PPM1N: variants seen among roughly 807,000 people sequenced by gnomAD.
The protein encoded by PPM1N is protein phosphatase, Mg2+/Mn2+ dependent 1N (putative), also known as probable protein phosphatase 1N.
A neutral mutation model predicts 32.6 loss-of-function variants in PPM1N; 35 were observed. That is an observed-to-expected ratio of 1.07 (90% CI 0.82 to 1.43). The LOEUF is 1.43. PPM1N is among the 40% of genes most tolerant of loss of function. The pLI, the probability that PPM1N is intolerant of heterozygous loss-of-function variation, is 0.00. For missense variants in PPM1N, 648 were observed against 606.6 expected, an observed-to-expected ratio of 1.07 and a Z score of -0.72; for synonymous variants, 275 against 270.5, an observed-to-expected ratio of 1.02 and a Z score of -0.16.
rs1263787523 is a variant in PPM1N at position 45,498,974 on chromosome 19, T to C, written c.502T>C (p.Leu168=). 1 of 1,561,994 alleles carries C rather than the reference T, an allele frequency of 6.4e-7. No individual in the cohort carries two copies. Among genetic ancestry groups the C allele is most frequent in the African/African-American group, 1.4e-5 (1 of 72,740 alleles). ...AACGGGCGGCTGCACGGCCGTGGTG[T>C]TGCTGGTCTCCCCGCGGTTTCTGTA... ...VETGGCTAVV[L]LVSPRFLYLA... The change falls in exon 1 of 5, where the codon TTG becomes CTG. Residue 168 remains leucine (L), a synonymous_variant. Transcript: ENST00000451287.
At position 45,499,263 on chromosome 19, in the gene PPM1N, C is replaced by A; in HGVS notation, c.791C>A (p.Ala264Asp). Residue 264 changes from alanine (A) to aspartate (D), a missense_variant, in exon 1 of 5, where the codon GCT becomes GAT. Physicochemically the swap from Ala to Asp is moderately radical, Grantham distance 126. Transcript: ENST00000451287. ...GAGGTGGCCGCACTGGCACGCCAGG[C>A]TGAGGACGAGTTCATGCTCCTGGCC... ...EPEVAALARQ[A>D]EDEFMLLASD... The A allele has an allele frequency of 6.2e-7, 1 of 1,610,462 alleles. No homozygotes were observed. The highest frequency in any genetic ancestry group is 8.5e-7 in the Non-Finnish European group (1 of 1,179,026).
chr19:45,500,535 A>G lies in PPM1N; in HGVS notation c.1137A>G (p.Leu379=). ...TGGCCTCAGAGGACATCCCAGATTT[A>G]CCTCCTGGGGGAGGGCTGGACTGCA... The part of the protein sequence containing the change: ...RTLASEDIPD[L]PPGGGLDCKA... The change falls in exon 3 of 5, where the codon TTA becomes TTG. Residue 379 remains leucine, a synonymous_variant. Transcript: ENST00000451287. 1 of 1,595,860 alleles carries G rather than the reference A, an allele frequency of 6.3e-7. No homozygotes were observed.
intron 2 of PPM1N, 47 bp from the exon 3 acceptor site, chr19:45,500,409 A>T: frequency 1.3e-6 from 2 of 1,513,974 alleles, no homozygotes; most frequent in South Asian, 2.4e-5. Flanking sequence ...TGCTGGGATT[A>T]CAGGCGTGCG....
In PPM1N at chr19:45,498,859, G is replaced by A. The variant is rs1968354708; in HGVS notation, c.387G>A (p.Glu129=). 2 of 1,525,212 alleles carry A rather than the reference G, an allele frequency of 1.3e-6. No individual in the cohort carries two copies. The highest frequency in any genetic ancestry group is 2.5e-5 in the East Asian group (1 of 39,640). The allele number at this position is 1,525,212 out of a possible 1,614,324, so 94.5% of individuals were successfully genotyped here. The change falls in exon 1 of 5, where the codon GAG becomes GAA. Residue 129 remains glutamate (E), a synonymous_variant. Transcript: ENST00000451287. ...PGHVLQELGP[E]PSEPEGVREA... is the part of the protein sequence containing the mutation. ...ATGTGCTCCAGGAGCTGGGCCCGGA[G>A]CCTAGCGAGCCCGAGGGCGTGCGCG...
At chr19:45,501,799 C>G (rs1968417716) in intron 4 of PPM1N, among the ~76,000 whole-genome samples, 1 of 152,154 alleles carries the variant, frequency 6.6e-6, no homozygotes, top group Non-Finnish European at 1.5e-5. Context: ...CAGCAGTGGT[C>G]TTTGGGGGCT....
At chr19:45,499,513 G>A in intron 1 of PPM1N, 102 bp downstream of exon 1, 2 of 1,562,726 alleles carry the variant, frequency 1.3e-6, no homozygotes, top group Non-Finnish European at 8.7e-7. Context: ...CAAGAGTAAA[G>A]CTAGCAAAGG....
chr19:45,499,874 T>C, intron 1 of PPM1N, 75 bp from the exon 2 acceptor site: 1 of 1,529,938 alleles, frequency 6.5e-7, no homozygotes, highest in Non-Finnish European at 8.8e-7. Flanking sequence ...AGTGGGGGAC[T>C]TGAACCTGGG....
At position 45,500,478 on chromosome 19, in the gene PPM1N, GC is replaced by G. The variant is rs1168946256; in HGVS notation, c.1086del (p.Ser363AlafsTer2). 3.1e-6 allele frequency: 5 copies of G among 1,609,856 alleles called. No homozygotes were observed. The highest frequency in any genetic ancestry group is 1.3e-5 in the African/African-American group (1 of 74,794). On this transcript the variant is annotated frameshift_variant, in exon 3 of 5. Coordinates refer to ENST00000451287, the MANE Select transcript of PPM1N (RefSeq NM_001080401.2). LOFTEE classifies it high-confidence loss of function. Reference sequence around the variant, plus strand: ...CAGAACTGTGTGCCTCTGCTCAGAAGCCCCCCAGCCTGAACACAGTTTTCAG... The same window carrying G: ...CAGAACTGTGTGCCTCTGCTCAGAAGCCCCCAGCCTGAACACAGTTTTCAG... ...IAELCASAQKPPSLNTVFRTL... is the reference protein window; with the variant it reads ...IAELCASAQKXPSLNTVFRTL...
At position 45,500,659 on chromosome 19, in the gene PPM1N, C is replaced by T; in HGVS notation, c.1173C>T (p.Val391=). 1 of 1,603,104 alleles carries T rather than the reference C, an allele frequency of 6.2e-7. No individual in the cohort carries two copies. The highest frequency in any genetic ancestry group is 2.2e-5 in the East Asian group (1 of 44,624). ...PGGGLDCKAT[V]IAEVYSQICQ... ...TTCCTGTGCTCTCCAGGGCCACTGT[C>T]ATTGCTGAAGTTTATTCTCAGATCT... The change falls in exon 4 of 5, where the codon GTC becomes GTT. Residue 391 remains valine (V), a synonymous_variant. Transcript: ENST00000451287.
In PPM1N at chr19:45,499,936, C is replaced by T; in HGVS notation, c.940-13C>T. ...TCTCCCCCACCGGGCTCCTTTTTCT[C>T]CACCGGCTTCAGGGCAGCCTGGACA... is the stretch of plus-strand genomic sequence containing the variant. On this transcript the variant is annotated splice_polypyrimidine_tract_variant and intron_variant, in intron 1 of 4. Transcript: ENST00000451287. 2 of 1,561,968 alleles carry T rather than the reference C, an allele frequency of 1.3e-6. No individual in the cohort carries two copies. Among genetic ancestry groups the T allele is most frequent in the Non-Finnish European group, 8.7e-7 (1 of 1,152,426 alleles).
In PPM1N at chr19:45,498,677, G is replaced by T; in HGVS notation, c.205G>T (p.Ala69Ser). ...AEASGGLRFGASAAQGWRARM... is the reference protein window; with the variant it reads ...AEASGGLRFGSSAAQGWRARM... ...GGCGTCTGGGGGCCTGCGCTTCGGG[G>T]CGAGCGCAGCGCAAGGCTGGCGCGC... The change falls in exon 1 of 5, where the codon GCG becomes TCG. Residue 69 changes from alanine (A) to serine (S), a missense_variant. Ala to Ser is a moderately conservative substitution (Grantham distance 99). Coordinates refer to ENST00000451287, the MANE Select transcript of PPM1N (RefSeq NM_001080401.2). 1 of 1,448,496 alleles carries T rather than the reference G, an allele frequency of 6.9e-7. No homozygotes were observed. 89.7% of individuals were successfully genotyped at this position (1,448,496 alleles called of 1,614,324 possible).
chr19:45,498,920 C>A lies in PPM1N; in HGVS notation c.448C>A (p.Arg150Ser). 6.5e-7 allele frequency: 1 copy of A among 1,531,868 alleles called. No individual in the cohort carries two copies. The highest frequency in any genetic ancestry group is 8.7e-7 in the Non-Finnish European group (1 of 1,148,618). 94.9% of individuals were successfully genotyped at this position (1,531,868 alleles called of 1,614,324 possible). A position where few individuals can be genotyped will look rare whatever the true frequency, so the allele number is the denominator to read the frequency against. The change falls in exon 1 of 5, where the codon CGC becomes AGC. Residue 150 changes from arginine (R) to serine (S), a missense_variant. Arg to Ser is a moderately radical substitution (Grantham distance 110, BLOSUM62 -1). Transcript: ENST00000451287. ...LRRAFLSADE[R>S]LRSLWPRVET... ...CCGAGCCTTCTTGAGCGCCGACGAG[C>A]GCCTGCGCTCCCTCTGGCCCCGCGT...
intron 4 of PPM1N, 91 bp downstream of exon 4, chr19:45,500,801 G>C: frequency 1.0e-6 from 1 of 971,130 alleles, no homozygotes; most frequent in Non-Finnish European, 1.6e-6. Flanking sequence ...AGCCAGTGAG[G>C]ATAAGGGATT....
Position 45,500,526 on chromosome 19 carries a change from C to T in PPM1N, c.1128C>T (p.Ile376=), listed in dbSNP as rs1464349216. Residue 376 remains isoleucine (I), a synonymous_variant, in exon 3 of 5, where the codon ATC becomes ATT. Coordinates refer to ENST00000451287, the MANE Select transcript of PPM1N (RefSeq NM_001080401.2). ...TVFRTLASED[I]PDLPPGGGLD... Reference sequence around the variant, plus strand: ...TCAGGACTCTGGCCTCAGAGGACATCCCAGATTTACCTCCTGGGGGAGGGC... The same window carrying T: ...TCAGGACTCTGGCCTCAGAGGACATTCCAGATTTACCTCCTGGGGGAGGGC... 6.2e-7 allele frequency: 1 copy of T among 1,611,706 alleles called. No homozygotes were observed. Among genetic ancestry groups the T allele is most frequent in the Admixed American group, 1.7e-5 (1 of 59,710 alleles).
Position 45,502,334 on chromosome 19 carries a change from A to AAAAAAAAAAC in PPM1N, c.*249_*250insAAAAAAAAAC, listed in dbSNP as rs1968431518. 2.4e-6 allele frequency: 1 copy of AAAAAAAAAAC among 416,014 alleles called. No individual in the cohort carries two copies. The highest frequency in any genetic ancestry group is 3.5e-5 in the African/African-American group (1 of 28,926). The allele number at this position is 416,014 out of a possible 1,614,324, so 25.8% of individuals were successfully genotyped here. On this transcript the variant is annotated 3_prime_UTR_variant, in exon 5 of 5. Transcript: ENST00000451287. The stretch of plus-strand genomic sequence containing the variant: ...AAAAAAAAAAAAAAAAAAAAAAAAA[A>AAAAAAAAAAC]CAAAAAAACCCAACCAAATGTTTTT...
At position 45,499,307 on chromosome 19, in the gene PPM1N, A is replaced by G; in HGVS notation, c.835A>G (p.Thr279Ala). The change falls in exon 1 of 5, where the codon ACT becomes GCT. Residue 279 changes from threonine (T) to alanine (A), a missense_variant. Transcript: ENST00000451287. ...MLLASDGVWD[T>A]VSGAALAGLV... is the part of the protein sequence containing the mutation. Reference sequence around the variant, plus strand: ...CCTGGCCTCTGATGGCGTCTGGGACACTGTGTCTGGTGCTGCCCTGGCGGG... The same window carrying G: ...CCTGGCCTCTGATGGCGTCTGGGACGCTGTGTCTGGTGCTGCCCTGGCGGG... 1.1e-5 allele frequency: 17 copies of G among 1,613,144 alleles called. No individual in the cohort carries two copies. Among genetic ancestry groups the G allele is most frequent in the Non-Finnish European group, 1.4e-5 (17 of 1,179,842 alleles).
At chr19:45,500,775 G>A in intron 4 of PPM1N, 65 bp downstream of exon 4, 1 of 1,226,660 alleles carries the variant, frequency 8.2e-7, no homozygotes, top group Admixed American at 2.4e-5. Context: ...ACCCCTCTTA[G>A]TGACAGGGAA....
In PPM1N at chr19:45,499,691, G is replaced by A. The variant is rs566449361; in HGVS notation, c.940-258G>A. On this transcript the variant is annotated intron_variant, in intron 1 of 4. Coordinates refer to ENST00000451287, the MANE Select transcript of PPM1N (RefSeq NM_001080401.2). ...ATTCTGGGTCGTAGGAGCCGGGCCG[G>A]AAGTATTGATTAGTGCTGGAAGGTG... The A allele has an allele frequency of 1.8e-3, 2,837 of 1,547,930 alleles. 5 individuals are homozygous for A. Among genetic ancestry groups the A allele is most frequent in the Non-Finnish European group, 2.3e-3 (2,628 of 1,145,904 alleles).
chr19:45,500,698 A>C lies in PPM1N; in HGVS notation c.1212A>C (p.Glu404Asp). Reference sequence around the variant, plus strand: ...ATTCTCAGATCTGCCAGGTCTCAGAAGAGTGCGGAGAGGTAAGGATCCTGT... The same window carrying C: ...ATTCTCAGATCTGCCAGGTCTCAGACGAGTGCGGAGAGGTAAGGATCCTGT... ...EVYSQICQVS[E>D]ECGEKGQDGA... Residue 404 changes from glutamate (E) to aspartate (D), a missense_variant, in exon 4 of 5, where the codon GAA becomes GAC. Coordinates refer to ENST00000451287, the MANE Select transcript of PPM1N (RefSeq NM_001080401.2). 2 of 1,601,172 alleles carry C rather than the reference A, an allele frequency of 1.2e-6. No individual in the cohort carries two copies. The highest frequency in any genetic ancestry group is 1.7e-6 in the Non-Finnish European group (2 of 1,174,052).
Sources: allele counts gnomAD v4.1 joint callset (sites outside exome capture counted in the v4.1 genomes callset), GRCh38; gene constraint gnomAD v4.1.1; transcripts MANE v1.5; gene names NCBI Gene and HGNC (gene_info 2026-07-23, HGNC 2026-07-21).